Variants in SPTA1 observed in about 807,000 individuals in gnomAD.
SPTA1 encodes spectrin alpha, erythrocytic 1, also known as spectrin alpha chain, erythrocytic 1.
A neutral mutation model predicts 324.7 loss-of-function variants in SPTA1; 177 were observed. The ratio of observed to expected loss-of-function variants is 0.55; its 90% CI spans 0.48 to 0.62. The LOEUF is 0.62. Among genes scored for constraint, SPTA1 ranks in the 20% least tolerant of loss-of-function variants. SPTA1 has a pLI of 0.00. For missense variants in SPTA1, 3,162 were observed against 2,883.6 expected, an observed-to-expected ratio of 1.10 and a Z score of -2.21; for synonymous variants, 1,195 against 1,041.3, an observed-to-expected ratio of 1.15 and a Z score of -2.84.
At position 158,620,215 on chromosome 1, in the gene SPTA1, C is replaced by T. The variant is rs1376244991; in HGVS notation, c.6372G>A (p.Val2124=). 4.3e-6 allele frequency: 7 copies of T among 1,614,000 alleles called. No homozygotes were observed. The highest frequency in any genetic ancestry group is 5.9e-6 in the Non-Finnish European group (7 of 1,180,014). ...GCTTCCAGGTCCTTTCCAGCACCTC[C>T]ACTGTTAACCAGGTATAAGGGCTGG... The part of the protein sequence containing the change: ...VPSSPYTWLT[V]EVLERTWKHL... Residue 2124 remains valine (V), a synonymous_variant, in exon 44 of 52, where the codon GTG becomes GTA. Coordinates refer to ENST00000643759, the MANE Select transcript of SPTA1 (RefSeq NM_003126.4).
intron 47 of SPTA1, 104 bp from the exon 48 acceptor site, chr1:158,615,507 T>C: frequency 1.7e-6 from 2 of 1,163,416 alleles, no homozygotes; most frequent in Middle Eastern, 2.7e-4. Context: ...TTCAGGAATC[T>C]TCTTGTTCTC....
rs1454392470 is a variant in SPTA1, at chr1:158,659,887, G to A, written c.2587+1400C>T. Among the ~76,000 whole-genome samples, 9 of 61,382 alleles carry A rather than the reference G, an allele frequency of 1.5e-4. 2 individuals are homozygous for A. Among genetic ancestry groups the A allele is most frequent in the Admixed American group, 1.2e-3 (8 of 6,422 alleles). The allele number at this position is 61,382 out of a possible 152,430, so 40.3% of individuals were successfully genotyped here. A position where few individuals can be genotyped will look rare whatever the true frequency, so the allele number is the denominator to read the frequency against. ...GGCCTCCCAAAGTGCTGGGATTACA[G>A]GCGTGAGCCACCGCGCCCGGCCTAG... On this transcript the variant is annotated intron_variant, in intron 18 of 51. Transcript: ENST00000643759.
chr1:158,652,841 A>C lies in SPTA1; in HGVS notation c.3189-188T>G, dbSNP rs151328615. On this transcript the variant is annotated intron_variant, in intron 22 of 51. Coordinates refer to ENST00000643759, the MANE Select transcript of SPTA1 (RefSeq NM_003126.4). ...CAGCCTTGGGGGCAAAAAGATAAAC[A>C]CATAGGATTGCATTTAAAAATAGTA... Among the ~76,000 whole-genome samples, 35 of 152,344 alleles carry C rather than the reference A, an allele frequency of 2.3e-4. No individual in the cohort carries two copies. In the East Asian group the frequency reaches 6.6e-3, roughly 29 times the overall value.
At position 158,657,498 on chromosome 1, in the gene SPTA1, A is replaced by G. The variant is rs781281642; in HGVS notation, c.2784T>C (p.Gly928=). The G allele has an allele frequency of 5.2e-5, 84 of 1,613,552 alleles. No individual in the cohort carries two copies. The African/African-American group carries it at 7.1e-4, about 14-fold the overall frequency. ...KEPIVDNTNY[G]ADEEAAGALL... Reference sequence around the variant, plus strand: ...TTACCCCAGCTGCTTCTTCATCAGCACCATAGTTAGTATTATCTACAATAG... The same window carrying G: ...TTACCCCAGCTGCTTCTTCATCAGCGCCATAGTTAGTATTATCTACAATAG... Residue 928 remains glycine, a synonymous_variant, in exon 19 of 52, where the codon GGT becomes GGC. Transcript: ENST00000643759.
At position 158,657,602 on chromosome 1, in the gene SPTA1, C is replaced by A. The variant is rs201184588; in HGVS notation, c.2680G>T (p.Asp894Tyr). The A allele has an allele frequency of 6.2e-7, 1 of 1,614,084 alleles. No homozygotes were observed. The highest frequency in any genetic ancestry group is 1.3e-5 in the African/African-American group (1 of 75,002). The change falls in exon 19 of 52, where the codon GAT (aspartate) becomes TAT (tyrosine). Residue 894 changes from aspartate (D) to tyrosine (Y), a missense_variant. By Grantham distance (160) the Asp-to-Tyr change is radical. Coordinates refer to ENST00000643759, the MANE Select transcript of SPTA1 (RefSeq NM_003126.4). ...LRARAARRQN[D>Y]LEANVQFQQY... is the part of the protein sequence containing the mutation. ...TGGAACTGGACATTGGCTTCAAGAT[C>A]ATTTTGTCGCCTAGCAGCTCGAGCA...
Position 158,615,397 on chromosome 1 carries a change from G to A in SPTA1, c.6607C>T (p.Gln2203Ter). Reference sequence around the variant, plus strand: ...CGCTTCATCGCCTGGATCTCCTTCTGTTTTCTCTGGAAAAACGACAGAGAA... The same window carrying A: ...CGCTTCATCGCCTGGATCTCCTTCTATTTTCTCTGGAAAAACGACAGAGAA... ...ESQLEANKRK[Q>*]KEIQAMKRQL... Residue 2203 changes from glutamine (Q) to a stop codon, truncating the protein, a stop_gained, in exon 48 of 52, where the codon CAG (glutamine) becomes TAG (stop). Coordinates refer to ENST00000643759, the MANE Select transcript of SPTA1 (RefSeq NM_003126.4). LOFTEE classifies it high-confidence loss of function. 6.2e-7 allele frequency: 1 copy of A among 1,613,998 alleles called. No individual in the cohort carries two copies. The highest frequency in any genetic ancestry group is 8.5e-7 in the Non-Finnish European group (1 of 1,179,982).
intron 15 of SPTA1, 93 bp from the exon 16 acceptor site, chr1:158,666,590 G>C: frequency 8.9e-7 from 1 of 1,120,738 alleles, no homozygotes; most frequent in Non-Finnish European, 1.3e-6. Context: ...GATCAATATA[G>C]TATTTTAATA....
intron 18 of SPTA1, 101 bp downstream of exon 18, chr1:158,661,186 A>G: frequency 1.3e-6 from 2 of 1,572,608 alleles, no homozygotes; most frequent in Non-Finnish European, 1.7e-6. Context: ...AAAATGAGTC[A>G]GATATTTTTA....
At chr1:158,632,324 G>C (rs754116783) in intron 39 of SPTA1, among the ~76,000 whole-genome samples, 1 of 152,114 alleles carries the variant, frequency 6.6e-6, no homozygotes, top group Non-Finnish European at 1.5e-5. Flanking sequence ...ATAAATTACA[G>C]TCAAGCAAGA....
intron 22 of SPTA1, among the ~76,000 whole-genome samples, chr1:158,652,986 A>G (rs1239442977): frequency 6.6e-6 from 1 of 152,218 alleles, no homozygotes; most frequent in African/African-American, 2.4e-5. Context: ...AACAAAGTTC[A>G]TATAGATGTC....
At chr1:158,685,032 T>TAACATA in intron 2 of SPTA1, 76 bp downstream of exon 2, 1 of 1,576,752 alleles carries the variant, frequency 6.3e-7, no homozygotes, top group Non-Finnish European at 8.7e-7. Context: ...CCATTAACAT[T>TAACATA]AACATAAAGA....
Position 158,677,798 on chromosome 1 carries a change from C to T in SPTA1, c.849G>A (p.Lys283=). Residue 283 remains lysine (K), a synonymous_variant, in exon 7 of 52, where the codon AAG becomes AAA. Transcript: ENST00000643759. ...VTEAIQWIKE[K]EPVLTSEDYG... is the part of the protein sequence containing the mutation. ...AGTCCTCAGAGGTGAGTACAGGTTC[C>T]TTCTCCTTGATCCACTGGATGGCTT... is the stretch of plus-strand genomic sequence containing the variant. 1 of 1,613,660 alleles carries T rather than the reference C, an allele frequency of 6.2e-7. No individual in the cohort carries two copies. Among genetic ancestry groups the T allele is most frequent in the Non-Finnish European group, 8.5e-7 (1 of 1,179,722 alleles).
rs774560696 is a variant in SPTA1, at chr1:158,657,444, G to A, written c.2805+33C>T. On this transcript the variant is annotated intron_variant, in intron 19 of 51. Transcript: ENST00000643759. ...TTGATAATTTGGTTGCGTTTGTTGA[G>A]GATTCACAATGTTAAACCCACCCCC... 4 of 1,587,472 alleles carry A rather than the reference G, an allele frequency of 2.5e-6. No individual in the cohort carries two copies. In the South Asian group the frequency reaches 4.4e-5, roughly 18 times the overall value.
chr1:158,662,595 C>G, intron 17 of SPTA1, 107 bp downstream of exon 17: 2 of 1,488,460 alleles, frequency 1.3e-6, no homozygotes, highest in Admixed American at 1.9e-5. Context: ...TGAGAAGAAA[C>G]AGCTAAGAGC....
At chr1:158,675,038 GGGAA>G (rs1177330599) in intron 8 of SPTA1, among the ~76,000 whole-genome samples, 1 of 152,036 alleles carries the variant, frequency 6.6e-6, no homozygotes, top group Non-Finnish European at 1.5e-5. Context: ...ATCACCTTAT[GGGAA>G]GGAAGAACTA....
chr1:158,613,884 GA>G lies in SPTA1; in HGVS notation c.6843-18del, dbSNP rs544984004. On this transcript the variant is annotated intron_variant, in intron 49 of 51. Coordinates refer to ENST00000643759, the MANE Select transcript of SPTA1 (RefSeq NM_003126.4). ...TCAAAGTGTCTAAAGGATAAAAAAA[GA>G]AAAAAAAATTTATCAAGCTCAATAG... 170 of 1,605,222 alleles carry G rather than the reference GA, an allele frequency of 1.1e-4. No homozygotes were observed. Among genetic ancestry groups the G allele is most frequent in the African/African-American group, 3.6e-4 (27 of 74,142 alleles).
chr1:158,652,525 G>T lies in SPTA1; in HGVS notation c.3317C>A (p.Thr1106Asn). ...EWIQEKKAEN[T>N]GVELDDVWEL... Reference sequence around the variant, plus strand: ...CCAAACATCATCTAGTTCCACTCCAGTGTTTTCTGCCTTTTTCTCTTGAAT... The same window carrying T: ...CCAAACATCATCTAGTTCCACTCCATTGTTTTCTGCCTTTTTCTCTTGAAT... Residue 1106 changes from threonine to asparagine, a missense_variant, in exon 23 of 52, where the codon ACT (threonine) becomes AAT (asparagine). Physicochemically the swap from Thr to Asn is moderately conservative, Grantham distance 65 (BLOSUM62 0). Coordinates refer to ENST00000643759, the MANE Select transcript of SPTA1 (RefSeq NM_003126.4). 6.2e-7 allele frequency: 1 copy of T among 1,614,118 alleles called. No homozygotes were observed. Among genetic ancestry groups the T allele is most frequent in the Non-Finnish European group, 8.5e-7 (1 of 1,180,028 alleles).
At chr1:158,632,397 T>A (rs1650741713) in intron 39 of SPTA1, among the ~76,000 whole-genome samples, 1 of 152,204 alleles carries the variant, frequency 6.6e-6, no homozygotes, top group Non-Finnish European at 1.5e-5. Flanking sequence ...AACAATAATA[T>A]GTTATACACG....
At chr1:158,615,452 C>A (rs748255431) in intron 47 of SPTA1, 49 bp from the exon 48 acceptor site, 2 of 1,586,784 alleles carry the variant, frequency 1.3e-6, no homozygotes, top group South Asian at 2.2e-5. Context: ...AGGTTACCAG[C>A]TCAAAACCTA....
Sources: allele counts gnomAD v4.1 joint callset (sites outside exome capture counted in the v4.1 genomes callset), GRCh38; gene constraint gnomAD v4.1.1; transcripts MANE v1.5; gene names NCBI Gene and HGNC (gene_info 2026-07-23, HGNC 2026-07-21).